ADGRG4: variants seen among roughly 807,000 people sequenced by gnomAD.
ADGRG4 encodes the protein adhesion G protein-coupled receptor G4, also known as G protein-coupled receptor 112.
In ADGRG4, 122 loss-of-function variants were observed where a neutral mutation model predicts 126.2. The observed-to-expected ratio is 0.97, with a 90% CI of 0.83 to 1.12. The LOEUF (loss-of-function observed/expected upper bound fraction) is 1.12, where lower values mean the gene tolerates loss of function less well. Ranked by LOEUF, ADGRG4 falls within the 50% of genes most tolerant of loss-of-function variation. The pLI is 0.00. For missense variants in ADGRG4, 2,481 were observed against 2,251.8 expected, an observed-to-expected ratio of 1.10 and a Z score of -2.06; for synonymous variants, 943 against 838.7, an observed-to-expected ratio of 1.12 and a Z score of -2.15.
In ADGRG4 at chrX:136,323,375, A is replaced by G. The variant is rs1025281761; in HGVS notation, c.668A>G (p.Asp223Gly). The G allele has an allele frequency of 1.7e-6, 2 of 1,206,428 alleles. No individual in the cohort carries two copies. Among genetic ancestry groups the G allele is most frequent in the African/African-American group, 1.8e-5 (1 of 57,006 alleles). Residue 223 changes from aspartate to glycine, a missense_variant, in exon 5 of 26, where the codon GAC becomes GGC. Physicochemically the swap from Asp to Gly is moderately conservative, Grantham distance 94. Coordinates refer to ENST00000394143, the MANE Select transcript of ADGRG4 (RefSeq NM_153834.4). ...GTCAACAAGATCATCCCAACTGTTG[A>G]CAGGACACTGCGCTGCTGTGAGTAA... Reference protein sequence around the residue: ...WLVNKIIPTVDRTLRCFVPEN... With the variant: ...WLVNKIIPTVGRTLRCFVPEN...
intron 9 of ADGRG4, among the ~76,000 whole-genome samples, chrX:136,357,389 A>G (rs1364663330): frequency 8.9e-6 from 1 of 112,080 alleles, no homozygotes; most frequent in Non-Finnish European, 1.9e-5. Flanking sequence ...GCATGTTAAT[A>G]TCTAGATCCA....
Position 136,346,807 on chromosome X carries a change from C to G in ADGRG4, c.3101C>G (p.Ser1034Cys). 8.3e-7 allele frequency: 1 copy of G among 1,211,443 alleles called. No homozygotes were observed. Among genetic ancestry groups the G allele is most frequent in the Non-Finnish European group, 1.1e-6 (1 of 895,199 alleles). The change falls in exon 6 of 26, where the codon TCT (serine) becomes TGT (cysteine). Residue 1034 changes from serine (S) to cysteine (C), a missense_variant. Transcript: ENST00000394143. The stretch of plus-strand genomic sequence containing the variant: ...GCTGAGGAGACTGAGGTTACCATGT[C>G]TGAGCCTTCTACACTGGCCAGGGCT... The part of the protein sequence containing the change: ...VVAEETEVTM[S>C]EPSTLARAFS...
chrX:136,306,458 A>G (rs902633044), intron 3 of ADGRG4, among the ~76,000 whole-genome samples: 1 of 111,304 alleles, frequency 9.0e-6, no homozygotes, highest in Non-Finnish European at 1.9e-5. Context: ...ACAGTACAGA[A>G]TCACAGGAAG....
chrX:136,382,170 A>G, intron 15 of ADGRG4, among the ~76,000 whole-genome samples: 1 of 111,649 alleles, frequency 9.0e-6, no homozygotes, highest in Non-Finnish European at 1.9e-5. Context: ...ATCTTCAAAT[A>G]AAGACAACAA....
At chrX:136,390,552 C>T (rs1421994350) in intron 16 of ADGRG4, among the ~76,000 whole-genome samples, 1 of 111,111 alleles carries the variant, frequency 9.0e-6, no homozygotes, top group Non-Finnish European at 1.9e-5. Context: ...CTCAGCGGAG[C>T]CCTGAAGTTG....
intron 4 of ADGRG4, among the ~76,000 whole-genome samples, chrX:136,311,394 T>TACACAC (rs72201867): frequency 0.044 from 4,218 of 95,535 alleles, 93 homozygotes; most frequent in African/African-American, 0.069. Context: ...TCATACCATG[T>TACACAC]ACACACACAC....
intron 4 of ADGRG4, among the ~76,000 whole-genome samples, chrX:136,321,938 G>A (rs180929088): frequency 4.5e-5 from 5 of 111,894 alleles, no homozygotes; most frequent in Admixed American, 9.5e-5. Flanking sequence ...AAAGTTGAAC[G>A]GGCATACAAT....
chrX:136,368,882 T>C (rs1272806821), intron 13 of ADGRG4, among the ~76,000 whole-genome samples: 1 of 112,561 alleles, frequency 8.9e-6, no homozygotes, highest in African/African-American at 3.2e-5. Flanking sequence ...ACAGAATTCC[T>C]GAAAATTTAA....
intron 22 of ADGRG4, among the ~76,000 whole-genome samples, chrX:136,405,254 A>G (rs1208462422): frequency 1.8e-5 from 2 of 108,966 alleles, no homozygotes; most frequent in African/African-American, 6.7e-5. Flanking sequence ...TGTGATATTT[A>G]TCATGTAAAG....
At chrX:136,303,096 C>T (rs763634851) in intron 1 of ADGRG4, among the ~76,000 whole-genome samples, 5 of 111,613 alleles carry the variant, frequency 4.5e-5, no homozygotes, top group Non-Finnish European at 7.5e-5. Flanking sequence ...CAAGGTGAGA[C>T]GGTTGCTTGA....
At chrX:136,337,944 G>T (rs973666710) in intron 5 of ADGRG4, among the ~76,000 whole-genome samples, 2 of 110,974 alleles carry the variant, frequency 1.8e-5, no homozygotes, top group Non-Finnish European at 3.8e-5. Flanking sequence ...TAATATGAAT[G>T]TTGGATATTT....
intron 14 of ADGRG4, 52 bp downstream of exon 14, chrX:136,371,596 C>A (rs1364843222): frequency 2.9e-6 from 2 of 693,686 alleles, no homozygotes; most frequent in Non-Finnish European, 2.1e-6. Context: ...ATTTAAAATG[C>A]AGACGGCCCT....
At chrX:136,312,149 G>T (rs1390604289) in intron 4 of ADGRG4, among the ~76,000 whole-genome samples, 2 of 112,389 alleles carry the variant, frequency 1.8e-5, no homozygotes, top group Non-Finnish European at 3.8e-5. Context: ...TTAAAATTAA[G>T]TTAAAAATTC....
chrX:136,372,800 T>C, intron 14 of ADGRG4, 102 bp from the exon 15 acceptor site: 1 of 811,597 alleles, frequency 1.2e-6, no homozygotes. Context: ...AAGATAGTGA[T>C]TAAAACTCAA....
At chrX:136,397,181 C>T (rs769816865) in intron 19 of ADGRG4, among the ~76,000 whole-genome samples, 1 of 111,270 alleles carries the variant, frequency 9.0e-6, no homozygotes, top group South Asian at 3.8e-4. Flanking sequence ...CAGTAGCACT[C>T]TCCCCAGTTG....
intron 5 of ADGRG4, among the ~76,000 whole-genome samples, chrX:136,333,504 A>G (rs1423837430): frequency 9.0e-6 from 1 of 110,825 alleles, no homozygotes; most frequent in Non-Finnish European, 1.9e-5. Flanking sequence ...TTCTTTTTGT[A>G]TTTATTTGTT....
chrX:136,366,981 G>A (rs2075162805), intron 13 of ADGRG4, among the ~76,000 whole-genome samples: 1 of 110,863 alleles, frequency 9.0e-6, no homozygotes, highest in Non-Finnish European at 1.9e-5. Flanking sequence ...AATGAGATTA[G>A]CACCCTTATA....
intron 15 of ADGRG4, among the ~76,000 whole-genome samples, chrX:136,387,229 G>A (rs2075296535): frequency 8.9e-6 from 1 of 112,347 alleles, no homozygotes; most frequent in South Asian, 3.7e-4. Context: ...TGAGCATGCA[G>A]CAGAATTGCT....
chrX:136,315,194 C>G (rs143460956), intron 4 of ADGRG4, among the ~76,000 whole-genome samples: 1 of 110,140 alleles, frequency 9.1e-6, no homozygotes, highest in South Asian at 4.0e-4. Flanking sequence ...GATAGTGACT[C>G]TGATTCTCTG....
Sources: allele counts gnomAD v4.1 joint callset (sites outside exome capture counted in the v4.1 genomes callset), GRCh38; gene constraint gnomAD v4.1.1; transcripts MANE v1.5; gene names NCBI Gene and HGNC (gene_info 2026-07-23, HGNC 2026-07-21).